RPIA: variants seen among roughly 807,000 people sequenced by gnomAD.
RPIA encodes ribose 5-phosphate isomerase A.
In RPIA, 29 loss-of-function variants were observed where a neutral mutation model predicts 37.8. That is an observed-to-expected ratio of 0.77 (90% confidence interval 0.57 to 1.05). The LOEUF is 1.05. RPIA is among the 50% of genes least tolerant of loss of function. The probability of loss-of-function intolerance (pLI) is 0.00; values close to 1 mark genes in which losing one functional copy is unlikely to be tolerated. For synonymous variants in RPIA, 167 were observed against 157.0 expected, an observed-to-expected ratio of 1.06 and a Z score of -0.48; for missense variants, 385 against 413.6, an observed-to-expected ratio of 0.93 and a Z score of 0.60.
intron 3 of RPIA, among the ~76,000 whole-genome samples, chr2:88,703,585 C>A (rs1032607541): frequency 2.0e-5 from 3 of 152,208 alleles, no homozygotes; most frequent in East Asian, 3.9e-4. Context: ...GGCATCAAGT[C>A]CCTAGGCTGC....
intron 3 of RPIA, among the ~76,000 whole-genome samples, chr2:88,706,822 A>G (rs1484232179): frequency 6.6e-6 from 1 of 152,206 alleles, no homozygotes; most frequent in Non-Finnish European, 1.5e-5. Flanking sequence ...GACTCCAAGT[A>G]TTATTTAATA....
intron 4 of RPIA, among the ~76,000 whole-genome samples, chr2:88,730,315 A>T (rs1673249967): frequency 9.9e-6 from 1 of 101,352 alleles, no homozygotes; most frequent in Admixed American, 8.8e-5. Context: ...ACATTGATGC[A>T]AAAATCCTCA....
chr2:88,726,949 G>GGTCTTGA (rs1485957197), intron 3 of RPIA, among the ~76,000 whole-genome samples: 1 of 152,192 alleles, frequency 6.6e-6, no homozygotes, highest in African/African-American at 2.4e-5. Flanking sequence ...ATGTTGGTCA[G>GGTCTTGA]ACTGGTCTTG....
intron 3 of RPIA, among the ~76,000 whole-genome samples, chr2:88,727,104 C>CGT (rs1673208222): frequency 6.6e-6 from 1 of 151,770 alleles, no homozygotes; most frequent in Non-Finnish European, 1.5e-5. Flanking sequence ...TGTGCGCGCG[C>CGT]ATGTGTGCGC....
At chr2:88,744,802 A>C (rs1170565296) in intron 8 of RPIA, among the ~76,000 whole-genome samples, 1 of 152,194 alleles carries the variant, frequency 6.6e-6, no homozygotes, top group Non-Finnish European at 1.5e-5. Flanking sequence ...GTCTCATAGA[A>C]GAATAGCTAC....
intron 3 of RPIA, among the ~76,000 whole-genome samples, chr2:88,702,290 A>G (rs141517432): frequency 2.0e-5 from 3 of 152,376 alleles, no homozygotes; most frequent in Non-Finnish European, 4.4e-5. Context: ...GATCTAAAAC[A>G]GCTACAGTCT....
intron 3 of RPIA, among the ~76,000 whole-genome samples, chr2:88,705,552 T>C (rs1045664504): frequency 1.3e-5 from 2 of 152,070 alleles, no homozygotes; most frequent in African/African-American, 4.8e-5. Flanking sequence ...TATATGAAAA[T>C]TAACTCAAGA....
chr2:88,694,548 T>C (rs1488603007), intron 1 of RPIA, among the ~76,000 whole-genome samples: 1 of 152,208 alleles, frequency 6.6e-6, no homozygotes, highest in Non-Finnish European at 1.5e-5. Flanking sequence ...ACACACAATG[T>C]TTTTATCCAT....
At chr2:88,708,754 A>ATTTT (rs59981047) in intron 3 of RPIA, among the ~76,000 whole-genome samples, 1 of 128,154 alleles carries the variant, frequency 7.8e-6, no homozygotes, top group Non-Finnish European at 1.7e-5. Context: ...TGCCAAATGG[A>ATTTT]TTTTTTTTTT....
intron 3 of RPIA, among the ~76,000 whole-genome samples, chr2:88,711,853 G>A (rs964899957): frequency 3.3e-5 from 5 of 152,230 alleles, no homozygotes; most frequent in Non-Finnish European, 7.3e-5. Context: ...CTTAAGATCT[G>A]TTTTAGCTGG....
At chr2:88,724,943 T>C (rs1192687953) in intron 3 of RPIA, among the ~76,000 whole-genome samples, 1 of 152,166 alleles carries the variant, frequency 6.6e-6, no homozygotes, top group South Asian at 2.1e-4. Flanking sequence ...TAAAACTACA[T>C]TTTCAGGTTT....
At chr2:88,712,755 C>G (rs1377130755) in intron 3 of RPIA, among the ~76,000 whole-genome samples, 1 of 152,156 alleles carries the variant, frequency 6.6e-6, no homozygotes, top group Admixed American at 6.5e-5. Context: ...TTTGGGTCAT[C>G]CGGGATGGTC....
rs1673236529 is a variant in RPIA at position 88,729,302 on chromosome 2, G to A, written c.427G>A (p.Gly143Ser). 7 of 1,614,044 alleles carry A rather than the reference G, an allele frequency of 4.3e-6. No homozygotes were observed. The Admixed American group carries it at 8.3e-5, about 19-fold the overall frequency. ...GGCCCGCCAGCTCATCCTGCAGTAT[G>A]GCTTGACCCTCAGTGATCTGGATCG... The part of the protein sequence containing the change: ...FQARQLILQY[G>S]LTLSDLDRHP... Residue 143 changes from glycine (G) to serine (S), a missense_variant, in exon 4 of 9, where the codon GGC (glycine) becomes AGC (serine). Gly to Ser is a moderately conservative substitution (Grantham distance 56, BLOSUM62 0). Around this residue, in one of 2 missense-constraint regions of RPIA, gnomAD observed 232 missense variants for 203.0 expected, o/e 1.14. Transcript: ENST00000283646.
intron 3 of RPIA, among the ~76,000 whole-genome samples, chr2:88,710,616 C>A (rs1672950568): frequency 6.6e-6 from 1 of 152,168 alleles, no homozygotes; most frequent in Admixed American, 6.5e-5. Context: ...CTTGAATGAG[C>A]CCCATTTTGG....
At chr2:88,740,794 C>G (rs1673372741) in intron 8 of RPIA, among the ~76,000 whole-genome samples, 1 of 152,206 alleles carries the variant, frequency 6.6e-6, no homozygotes, top group Non-Finnish European at 1.5e-5. Context: ...CATCTCTGCT[C>G]TTTCTTTAAA....
intron 3 of RPIA, among the ~76,000 whole-genome samples, chr2:88,725,994 T>C (rs1391196179): frequency 6.6e-6 from 1 of 152,180 alleles, no homozygotes; most frequent in Non-Finnish European, 1.5e-5. Flanking sequence ...CCTCGTGTTG[T>C]GAATTGGGGC....
chr2:88,745,515 G>GT (rs1330890026), intron 8 of RPIA, among the ~76,000 whole-genome samples: 2 of 152,158 alleles, frequency 1.3e-5, no homozygotes, highest in African/African-American at 2.4e-5. Context: ...GAAAATGACT[G>GT]TATCTCTTCC....
intron 3 of RPIA, among the ~76,000 whole-genome samples, chr2:88,725,518 C>G (rs1673185571): frequency 6.6e-6 from 1 of 152,062 alleles, no homozygotes; most frequent in South Asian, 2.1e-4. Flanking sequence ...CTTGTAGGCC[C>G]ATCCCCTGAT....
intron 3 of RPIA, among the ~76,000 whole-genome samples, chr2:88,700,337 A>T (rs1672813244): frequency 6.6e-6 from 1 of 152,092 alleles, no homozygotes; most frequent in Admixed American, 6.6e-5. Flanking sequence ...AAGGAATATT[A>T]CTCCTATTTA....
Sources: gnomAD v4.1 joint callset for allele counts (sites outside exome capture counted in the v4.1 genomes callset) on GRCh38, gnomAD v4.1.1 for gene constraint, gnomAD v4.1.1 regional missense constraint, MANE v1.5 for transcripts, NCBI Gene and HGNC (gene_info 2026-07-23, HGNC 2026-07-21) for gene names.